Variants in KLF12 observed in about 807,000 individuals in gnomAD.
KLF12 encodes the protein Krueppel-like factor 12.
Under a neutral mutation model 37.8 loss-of-function variants are expected in KLF12, and 9 were observed. The observed-to-expected ratio is 0.24, with a 90% CI of 0.14 to 0.42. KLF12 has a LOEUF of 0.42. Ranked by LOEUF, KLF12 falls within the 10% of genes least tolerant of loss-of-function variation. The pLI is 1.00. For synonymous variants in KLF12, 208 were observed against 202.1 expected, an observed-to-expected ratio of 1.03 and a Z score of -0.25; for missense variants, 411 against 516.0, an observed-to-expected ratio of 0.80 and a Z score of 1.97.
intron 6 of KLF12, among the ~76,000 whole-genome samples, chr13:73,738,506 A>G (rs979535998): frequency 7.2e-5 from 11 of 151,990 alleles, no homozygotes; most frequent in Non-Finnish European, 1.5e-5. Flanking sequence ...TTTGTGAAAA[A>G]TCGACAAGTA....
At chr13:73,733,355 T>C (rs1178333564) in intron 6 of KLF12, among the ~76,000 whole-genome samples, 2 of 152,192 alleles carry the variant, frequency 1.3e-5, no homozygotes, top group African/African-American at 2.4e-5. Context: ...ATTTTTTGTC[T>C]CTATGAATTT....
At chr13:73,699,029 T>C (rs1025895841) in intron 7 of KLF12, among the ~76,000 whole-genome samples, 8 of 152,080 alleles carry the variant, frequency 5.3e-5, no homozygotes, top group Admixed American at 3.9e-4. Flanking sequence ...ATACTTCAAA[T>C]TGATTTCTGG....
chr13:74,060,492 G>GTGTGTGTGTGTGTGCGTC (rs1555336633), intron 1 of KLF12, among the ~76,000 whole-genome samples: 1 of 103,134 alleles, frequency 9.7e-6, no homozygotes, highest in African/African-American at 3.3e-5. Flanking sequence ...TTTTGTGTGT[G>GTGTGTGTGTGTGTGCGTC]TGTGTGTGTG....
intron 5 of KLF12, among the ~76,000 whole-genome samples, chr13:73,777,872 A>G (rs11839829): frequency 0.029 from 4,398 of 151,620 alleles, 216 homozygotes; most frequent in African/African-American, 0.098. Flanking sequence ...TGGCTCATGC[A>G]TGTAATCCCA....
chr13:74,171,122 G>A, the KLF12 span, among the ~76,000 whole-genome samples: 3 of 152,144 alleles, frequency 2.0e-5, no homozygotes, highest in African/African-American at 4.8e-5. Context: ...GCTCGTAATC[G>A]ACAAAGCTGG....
upstream of KLF12, among the ~76,000 whole-genome samples, chr13:74,135,617 A>G (rs936768475): frequency 1.3e-5 from 2 of 151,158 alleles, no homozygotes; most frequent in South Asian, 2.1e-4. Flanking sequence ...CGCGCGGCGG[A>G]CGGAGGCGGG....
At chr13:74,186,295 T>A in the KLF12 span, among the ~76,000 whole-genome samples, 1 of 152,188 alleles carries the variant, frequency 6.6e-6, no homozygotes, top group African/African-American at 2.4e-5. Context: ...GTAATGTATT[T>A]CACTTAAAAT....
intron 1 of KLF12, among the ~76,000 whole-genome samples, chr13:74,022,202 C>T (rs758152284): frequency 6.6e-6 from 1 of 152,022 alleles, no homozygotes; most frequent in Non-Finnish European, 1.5e-5. Flanking sequence ...ACACCACAGG[C>T]ACAACCCAAA....
intron 3 of KLF12, among the ~76,000 whole-genome samples, chr13:73,926,961 T>C (rs1173162132): frequency 6.7e-6 from 1 of 148,470 alleles, no homozygotes; most frequent in Non-Finnish European, 1.5e-5. Context: ...AGTGCCAAGT[T>C]ATCCCATGAA....
intron 1 of KLF12, among the ~76,000 whole-genome samples, chr13:74,010,730 G>A (rs1390015186): frequency 6.6e-6 from 1 of 152,034 alleles, no homozygotes; most frequent in Non-Finnish European, 1.5e-5. Flanking sequence ...AAAGCTGCAT[G>A]AACCTCTCTG....
At chr13:74,145,222 G>A in the KLF12 span, among the ~76,000 whole-genome samples, 3 of 152,122 alleles carry the variant, frequency 2.0e-5, no homozygotes, top group Admixed American at 6.6e-5. Context: ...GTATCTTATG[G>A]AACAAAGTGC....
At chr13:74,279,433 C>A in the KLF12 span, among the ~76,000 whole-genome samples, 1 of 151,678 alleles carries the variant, frequency 6.6e-6, no homozygotes, top group East Asian at 1.9e-4. Flanking sequence ...TGTGGTTTAA[C>A]TTTTGGTGGG....
the KLF12 span, among the ~76,000 whole-genome samples, chr13:74,186,932 C>T: frequency 4.6e-5 from 7 of 152,148 alleles, no homozygotes; most frequent in South Asian, 2.1e-4. Flanking sequence ...TAACAAGTCT[C>T]GTGCTCTTAA....
At chr13:74,103,333 C>T (rs1440800318) in intron 1 of KLF12, among the ~76,000 whole-genome samples, 1 of 152,128 alleles carries the variant, frequency 6.6e-6, no homozygotes, top group African/African-American at 2.4e-5. Flanking sequence ...TTGAAGCTGT[C>T]TCATGGTGGC....
chr13:73,972,641 G>A (rs1368683483), intron 2 of KLF12, among the ~76,000 whole-genome samples: 1 of 147,580 alleles, frequency 6.8e-6, no homozygotes, highest in African/African-American at 2.5e-5. Context: ...CACAGCTACA[G>A]TGGAGCAACT....
At chr13:73,783,290 T>C (rs1881090405) in intron 5 of KLF12, among the ~76,000 whole-genome samples, 1 of 152,040 alleles carries the variant, frequency 6.6e-6, no homozygotes, top group Non-Finnish European at 1.5e-5. Flanking sequence ...CTCATGGAGG[T>C]CCACAGTAGA....
chr13:73,750,372 A>C (rs1313696270), intron 6 of KLF12, among the ~76,000 whole-genome samples: 1 of 152,178 alleles, frequency 6.6e-6, no homozygotes. Context: ...GGATAGTGGA[A>C]GAGATGTCTT....
chr13:74,263,510 T>C, the KLF12 span, among the ~76,000 whole-genome samples: 1 of 152,228 alleles, frequency 6.6e-6, no homozygotes, highest in Non-Finnish European at 1.5e-5. Context: ...TCTCATCCAG[T>C]AATATGGTAC....
intron 5 of KLF12, among the ~76,000 whole-genome samples, chr13:73,778,990 T>C (rs2138179518): frequency 6.6e-6 from 1 of 152,340 alleles, no homozygotes; most frequent in East Asian, 1.9e-4. Flanking sequence ...AGGATTAGTT[T>C]AGAAGTCATA....
Sources: gnomAD v4.1 joint callset for allele counts (sites outside exome capture counted in the v4.1 genomes callset) on GRCh38, gnomAD v4.1.1 for gene constraint, MANE v1.5 for transcripts, NCBI Gene and HGNC (gene_info 2026-07-23, HGNC 2026-07-21) for gene names.